TULP4: variants seen among roughly 807,000 people sequenced by gnomAD.
TULP4 encodes TUB like protein 4.
In TULP4, 16 loss-of-function variants were observed where a neutral mutation model predicts 129.0. That is an observed-to-expected ratio of 0.12 (90% CI 0.08 to 0.19). The LOEUF is 0.19. Ranked by LOEUF, TULP4 falls within the 10% of genes least tolerant of loss-of-function variation. The pLI is 1.00. For synonymous variants in TULP4, 998 were observed against 854.0 expected (o/e 1.17, Z -2.94); for missense variants, 1,842 against 2,059.1 (o/e 0.89, Z 2.04).
intron 3 of TULP4, among the ~76,000 whole-genome samples, chr6:158,447,421 T>C (rs191708643): frequency 7.7e-4 from 118 of 152,320 alleles, no homozygotes; most frequent in Admixed American, 4.9e-3. Flanking sequence ...GTTTTAGCCT[T>C]TTTTAGTATT....
At chr6:158,245,887 A>C (rs1778019302) in intron 1 of TULP4, among the ~76,000 whole-genome samples, 1 of 152,224 alleles carries the variant, frequency 6.6e-6, no homozygotes, top group Non-Finnish European at 1.5e-5. Context: ...AAGCTCCAGA[A>C]ACCACCTAAT....
At chr6:158,444,219 CAAAA>C (rs71030171) in intron 3 of TULP4, among the ~76,000 whole-genome samples, 46 of 34,126 alleles carry the variant, frequency 1.3e-3, no homozygotes, top group African/African-American at 4.4e-3. Context: ...GACTCTGTCT[CAAAA>C]AAAAAAAAAA....
upstream of TULP4, chr6:158,312,279 C>A (rs576589131): frequency 2.8e-4 from 109 of 395,536 alleles, 1 homozygote; most frequent in African/African-American, 1.9e-3. Flanking sequence ...CAACTTGACA[C>A]CAGTGGGCTC....
upstream of TULP4, among the ~76,000 whole-genome samples, chr6:158,309,565 G>A (rs919557786): frequency 3.3e-5 from 5 of 152,096 alleles, no homozygotes; most frequent in Non-Finnish European, 7.4e-5. Context: ...GTTGTAGCAA[G>A]CCGAGATCAT....
intron 13 of TULP4, among the ~76,000 whole-genome samples, chr6:158,505,227 C>T (rs1401470374): frequency 1.3e-5 from 2 of 152,212 alleles, no homozygotes; most frequent in African/African-American, 4.8e-5. Flanking sequence ...TCCCCCTTCA[C>T]CATCCTGTAA....
intron 1 of TULP4, among the ~76,000 whole-genome samples, chr6:158,357,167 T>A (rs1780669104): frequency 6.6e-6 from 1 of 152,216 alleles, no homozygotes; most frequent in Non-Finnish European, 1.5e-5. Context: ...CCTCTCTGGA[T>A]ATGCTATTGC....
At chr6:158,272,547 G>T (rs1264674753) in intron 1 of TULP4, among the ~76,000 whole-genome samples, 1 of 152,186 alleles carries the variant, frequency 6.6e-6, no homozygotes, top group East Asian at 1.9e-4. Context: ...CTATCAGGAA[G>T]TTCCTTTAGA....
intron 1 of TULP4, among the ~76,000 whole-genome samples, chr6:158,250,922 T>A: frequency 6.6e-6 from 1 of 152,202 alleles, no homozygotes; most frequent in East Asian, 1.9e-4. Context: ...GACTTCCCCC[T>A]TTTAATTTTC....
Position 158,250,543 on chromosome 6 carries a change from A to C in TULP4, n.68+18240A>C, listed in dbSNP as rs573105303. On this transcript the variant is annotated intron_variant and non_coding_transcript_variant, in intron 1 of 1. Coordinates refer to the TULP4 transcript ENST00000620026. The stretch of plus-strand genomic sequence containing the variant: ...CAGCTTTCTATAAATTTATTGTAAA[A>C]TAGAGAAGTCTCAAGGTTGACCATA... 4.6e-5 allele frequency among the ~76,000 whole-genome samples: 7 copies of C among 152,340 alleles called. No individual in the cohort carries two copies. In the East Asian group the frequency reaches 1.3e-3, roughly 29 times the overall value.
At chr6:158,453,977 A>G (rs1779227334) in intron 5 of TULP4, among the ~76,000 whole-genome samples, 1 of 147,670 alleles carries the variant, frequency 6.8e-6, no homozygotes, top group South Asian at 2.1e-4. Context: ...TCAAGTCTAT[A>G]TACTTAACTG....
At chr6:158,500,287 G>A (rs759548460) in intron 12 of TULP4, among the ~76,000 whole-genome samples, 2 of 152,174 alleles carry the variant, frequency 1.3e-5, no homozygotes, top group East Asian at 1.9e-4. Context: ...TCATACAGAC[G>A]AGAGAGCTTC....
chr6:158,278,251 G>A (rs996117625), upstream of TULP4, among the ~76,000 whole-genome samples: 1 of 152,184 alleles, frequency 6.6e-6, no homozygotes, highest in Non-Finnish European at 1.5e-5. Flanking sequence ...TGTCTGGCCT[G>A]TACTGTGTGG....
intron 1 of TULP4, among the ~76,000 whole-genome samples, chr6:158,250,638 T>A (rs1222968010): frequency 6.6e-6 from 1 of 152,204 alleles, no homozygotes; most frequent in East Asian, 1.9e-4. Flanking sequence ...TTTCTTCCCT[T>A]TCTTAGCTTT....
intron 2 of TULP4, among the ~76,000 whole-genome samples, chr6:158,421,294 G>A (rs1778332601): frequency 6.6e-6 from 1 of 152,036 alleles, no homozygotes. Context: ...CCCGGGAGGC[G>A]GAGCTTGCAG....
At chr6:158,469,696 A>G (rs890689589) in intron 6 of TULP4, among the ~76,000 whole-genome samples, 2 of 152,066 alleles carry the variant, frequency 1.3e-5, no homozygotes, top group Admixed American at 6.6e-5. Context: ...AGTCATCCAC[A>G]TGGAGGCCAT....
At position 158,298,981 on chromosome 6, in the gene TULP4, T is replaced by C. The variant is rs370623740; in HGVS notation, n.117-13070T>C. On this transcript the variant is annotated intron_variant and non_coding_transcript_variant, in intron 1 of 1. Coordinates refer to the TULP4 transcript ENST00000432358. ...GAAAAGGTTCAAAGGGGATTTATCATGGAGTTCAGAATCACGGATGCAAGG... is the reference window on the plus strand; with the variant it reads ...GAAAAGGTTCAAAGGGGATTTATCACGGAGTTCAGAATCACGGATGCAAGG... Among the ~76,000 whole-genome samples, 10 of 152,342 alleles carry C rather than the reference T, an allele frequency of 6.6e-5. No homozygotes were observed. In the East Asian group the frequency reaches 1.5e-3, roughly 23 times the overall value.
At chr6:158,470,342 A>G (rs918697472) in intron 6 of TULP4, among the ~76,000 whole-genome samples, 2 of 152,230 alleles carry the variant, frequency 1.3e-5, no homozygotes, top group African/African-American at 4.8e-5. Flanking sequence ...ATAGAGTGAA[A>G]TAGAGTGAAA....
chr6:158,444,135 G>T (rs565692347), intron 3 of TULP4, among the ~76,000 whole-genome samples: 1 of 132,938 alleles, frequency 7.5e-6, no homozygotes, highest in South Asian at 2.6e-4. Flanking sequence ...CAGGAGAATG[G>T]CATGAACCTG....
chr6:158,331,688 GACACACACAC>G (rs146753041), intron 1 of TULP4, among the ~76,000 whole-genome samples: 2,028 of 43,220 alleles, frequency 0.047, 460 homozygotes, highest in African/African-American at 0.083. Context: ...TCGTTCAACA[GACACACACAC>G]ACACACACAC....
Sources: gnomAD v4.1 joint callset for allele counts (sites outside exome capture counted in the v4.1 genomes callset) on GRCh38, gnomAD v4.1.1 for gene constraint, MANE v1.5 for transcripts, NCBI Gene and HGNC (gene_info 2026-07-23, HGNC 2026-07-21) for gene names.